The following TGM6 variants were observed in gnomAD, a reference collection of about 807,000 sequenced individuals.
TGM6 encodes the protein protein-glutamine gamma-glutamyltransferase 6.
In TGM6, 74 loss-of-function variants were observed where a neutral mutation model predicts 77.5. The ratio of observed to expected loss-of-function variants is 0.96; its 90% confidence interval spans 0.79 to 1.16. The LOEUF is 1.16. Among genes scored for constraint, TGM6 ranks in the 50% most tolerant of loss-of-function variants. The pLI, the probability that TGM6 is intolerant of heterozygous loss-of-function variation, is 0.00. For missense variants in TGM6, 968 were observed against 940.2 expected, an observed-to-expected ratio of 1.03 and a Z score of -0.39; for synonymous variants, 383 against 378.9, an observed-to-expected ratio of 1.01 and a Z score of -0.12.
rs78135314 is a variant in TGM6 at position 2,415,458 on chromosome 20, C to T, written c.1337-1774C>T. Among the ~76,000 whole-genome samples the T allele has an allele frequency of 4.4e-3, 665 of 152,306 alleles. 4 individuals carry two copies. Among genetic ancestry groups the T allele is most frequent in the African/African-American group, 0.014 (576 of 41,558 alleles). The stretch of plus-strand genomic sequence containing the variant: ...TGTTCTTGATTATCCTGCTCAGTGC[C>T]TTGCTTGTGGGCCTCTTGTCCCCAC... On this transcript the variant is annotated intron_variant, in intron 9 of 12. Coordinates refer to ENST00000202625, the MANE Select transcript of TGM6 (RefSeq NM_198994.3).
Position 2,417,462 on chromosome 20 carries a change from C to T in TGM6, c.1567C>T (p.Arg523Trp), listed in dbSNP as rs1421447798. The change falls in exon 10 of 13, where the codon CGG becomes TGG. Residue 523 changes from arginine to tryptophan, a missense_variant. Coordinates refer to ENST00000202625, the MANE Select transcript of TGM6 (RefSeq NM_198994.3). ...LALCLANLTS[R>W]AQRVRVNLSG... ...CCTGTGCTTGGCCAACCTCACCTCC[C>T]GGGCCCAGCGGGTGAGGGTCAACCT... 4 of 1,610,818 alleles carry T rather than the reference C, an allele frequency of 2.5e-6. No homozygotes were observed. Among genetic ancestry groups the T allele is most frequent in the Non-Finnish European group, 2.5e-6 (3 of 1,179,912 alleles).
intron 1 of TGM6, among the ~76,000 whole-genome samples, chr20:2,394,110 C>T (rs2084645684): frequency 6.6e-6 from 1 of 152,020 alleles, no homozygotes. Context: ...ACCAACATGG[C>T]AAAACCCCAT....
In TGM6 at chr20:2,398,049, G is replaced by A. The variant is rs770935121; in HGVS notation, c.672+3G>A. The A allele has an allele frequency of 6.2e-7, 1 of 1,614,110 alleles. No individual in the cohort carries two copies. Among genetic ancestry groups the A allele is most frequent in the African/African-American group, 1.3e-5 (1 of 75,024 alleles). On this transcript the variant is annotated splice_donor_region_variant and intron_variant, in intron 5 of 12. Transcript: ENST00000202625. ...TCACCAGGGTCATCAGTGCCATGGTGAGAAGCCCCTCCATCCCTGCACATG... is the reference window on the plus strand; with the variant it reads ...TCACCAGGGTCATCAGTGCCATGGTAAGAAGCCCCTCCATCCCTGCACATG...
chr20:2,397,414 G>A (rs2084676586), intron 4 of TGM6, among the ~76,000 whole-genome samples: 1 of 152,188 alleles, frequency 6.6e-6, no homozygotes, highest in South Asian at 2.1e-4. Context: ...GGATTCGGGT[G>A]CTGGGCAGGG....
At chr20:2,411,117 T>C (rs1295198403) in intron 9 of TGM6, among the ~76,000 whole-genome samples, 1 of 152,186 alleles carries the variant, frequency 6.6e-6, no homozygotes, top group Non-Finnish European at 1.5e-5. Context: ...ACTCATTCTG[T>C]GAAGTCAGTA....
At chr20:2,407,430 C>G (rs761475259) in intron 9 of TGM6, among the ~76,000 whole-genome samples, 6 of 152,150 alleles carry the variant, frequency 3.9e-5, no homozygotes, top group Non-Finnish European at 5.9e-5. Context: ...ACTAGCCTGG[C>G]CAACATGGCG....
intron 9 of TGM6, among the ~76,000 whole-genome samples, chr20:2,409,449 C>T (rs543262698): frequency 1.6e-3 from 249 of 152,226 alleles, no homozygotes; most frequent in Non-Finnish European, 2.3e-3. Flanking sequence ...TGGTGGCTCA[C>T]GCCTATAATC....
At position 2,400,429 on chromosome 20, in the gene TGM6, C is replaced by A. The variant is rs141990961; in HGVS notation, c.974C>A (p.Thr325Lys). The A allele has an allele frequency of 2.8e-5, 46 of 1,614,078 alleles. No individual in the cohort carries two copies. The highest frequency in any genetic ancestry group is 3.9e-5 in the Non-Finnish European group (46 of 1,180,048). ...TTCGGGCGGACCCTGGAGGACCTGA[C>A]AGAAGACAGCATGTGGTGGGTCCTG... ...DSFGRTLEDL[T>K]EDSMWNFHVW... The change falls in exon 7 of 13, where the codon ACA (threonine) becomes AAA (lysine). Residue 325 changes from threonine to lysine, a missense_variant. Physicochemically the swap from Thr to Lys is moderately conservative, Grantham distance 78. Coordinates refer to ENST00000202625, the MANE Select transcript of TGM6 (RefSeq NM_198994.3).
intron 1 of TGM6, among the ~76,000 whole-genome samples, chr20:2,386,561 C>T (rs1234151231): frequency 6.6e-6 from 1 of 152,138 alleles, no homozygotes; most frequent in African/African-American, 2.4e-5. Context: ...GGCTTTCTAA[C>T]ATTGGGCGGT....
intron 10 of TGM6, among the ~76,000 whole-genome samples, chr20:2,429,315 T>C (rs540590601): frequency 9.9e-5 from 15 of 152,128 alleles, no homozygotes; most frequent in Non-Finnish European, 1.9e-4. Context: ...TTAAGGACCT[T>C]TTCCATGAGT....
At chr20:2,428,457 T>G (rs1222216850) in intron 10 of TGM6, among the ~76,000 whole-genome samples, 1 of 152,160 alleles carries the variant, frequency 6.6e-6, no homozygotes, top group African/African-American at 2.4e-5. Flanking sequence ...TGATGGTTCT[T>G]CATGCTGGAG....
At chr20:2,398,114 A>G (rs769972151) in intron 5 of TGM6, 68 bp downstream of exon 5, 24 of 1,612,020 alleles carry the variant, frequency 1.5e-5, no homozygotes, top group South Asian at 2.2e-5. Flanking sequence ...CGGGGCCACA[A>G]CCTGTGATTC....
In TGM6 at chr20:2,430,557, T is replaced by C; in HGVS notation, c.1790T>C (p.Leu597Pro). Residue 597 changes from leucine (L) to proline (P), a missense_variant, in exon 11 of 13, where the codon CTG (leucine) becomes CCG (proline). Transcript: ENST00000202625. ...MCLVTKGEKL[L>P]VEKDITLEDF... Reference sequence around the variant, plus strand: ...CTTGTCACCAAAGGAGAGAAGCTTCTGGTGGAGAAGGACATTACTCTAGAG... The same window carrying C: ...CTTGTCACCAAAGGAGAGAAGCTTCCGGTGGAGAAGGACATTACTCTAGAG... 6.2e-7 allele frequency: 1 copy of C among 1,614,194 alleles called. No individual in the cohort carries two copies. Among genetic ancestry groups the C allele is most frequent in the Non-Finnish European group, 8.5e-7 (1 of 1,180,032 alleles).
At chr20:2,405,135 T>C in intron 9 of TGM6, among the ~76,000 whole-genome samples, 1 of 152,130 alleles carries the variant, frequency 6.6e-6, no homozygotes, top group East Asian at 1.9e-4. Context: ...TGGGTCTGTG[T>C]TCCCACTCGG....
At chr20:2,412,613 A>C (rs1183214955) in intron 9 of TGM6, among the ~76,000 whole-genome samples, 2 of 152,152 alleles carry the variant, frequency 1.3e-5, no homozygotes, top group African/African-American at 4.8e-5. Context: ...ACATGACATA[A>C]TTTTGTATAT....
intron 1 of TGM6, among the ~76,000 whole-genome samples, chr20:2,384,193 C>T (rs368011973): frequency 2.8e-4 from 43 of 151,978 alleles, no homozygotes; most frequent in South Asian, 2.1e-3. Flanking sequence ...AATAGGGAGA[C>T]GTTGATCCTG....
In TGM6 at chr20:2,398,047, G is replaced by A. The variant is rs755127535; in HGVS notation, c.672+1G>A. The A allele has an allele frequency of 1.9e-6, 3 of 1,614,118 alleles. No individual in the cohort carries two copies. The highest frequency in any genetic ancestry group is 2.5e-6 in the Non-Finnish European group (3 of 1,180,024). ...CGTCACCAGGGTCATCAGTGCCATGGTGAGAAGCCCCTCCATCCCTGCACA... is the reference window on the plus strand; with the variant it reads ...CGTCACCAGGGTCATCAGTGCCATGATGAGAAGCCCCTCCATCCCTGCACA... On this transcript the variant is annotated splice_donor_variant, in intron 5 of 12. Coordinates refer to ENST00000202625, the MANE Select transcript of TGM6 (RefSeq NM_198994.3). LOFTEE classifies it high-confidence loss of function.
intron 7 of TGM6, among the ~76,000 whole-genome samples, chr20:2,400,801 G>C (rs2084703960): frequency 6.6e-6 from 1 of 152,082 alleles, no homozygotes; most frequent in Non-Finnish European, 1.5e-5. Context: ...ATCAGCTGCG[G>C]TTCTCCGTGT....
chr20:2,389,246 G>T (rs1295606050), intron 1 of TGM6, among the ~76,000 whole-genome samples: 1 of 152,116 alleles, frequency 6.6e-6, no homozygotes, highest in African/African-American at 2.4e-5. Flanking sequence ...AAGGAACCAA[G>T]GTGCCTCAAC....
Sources: allele counts gnomAD v4.1 joint callset (sites outside exome capture counted in the v4.1 genomes callset), GRCh38; gene constraint gnomAD v4.1.1; transcripts MANE v1.5; gene names NCBI Gene and HGNC (gene_info 2026-07-23, HGNC 2026-07-21).